Variants in ADCY7 observed in about 807,000 individuals in gnomAD.
ADCY7 encodes adenylate cyclase type 7.
In ADCY7, 72 loss-of-function variants were observed where a neutral mutation model predicts 120.6. The ratio of observed to expected loss-of-function variants is 0.60; its 90% CI spans 0.49 to 0.73. ADCY7 has a LOEUF of 0.73. ADCY7 is among the 30% of genes least tolerant of loss of function. The probability of loss-of-function intolerance (pLI) is 0.00; values close to 1 mark genes in which losing one functional copy is unlikely to be tolerated. For missense variants in ADCY7, 1,227 were observed against 1,486.0 expected (o/e 0.83, Z 2.87); for synonymous variants, 661 against 628.0 (o/e 1.05, Z -0.78).
intron 1 of ADCY7, among the ~76,000 whole-genome samples, chr16:50,254,005 G>C (rs1165447338): frequency 6.6e-6 from 1 of 152,112 alleles, no homozygotes; most frequent in East Asian, 1.9e-4. Flanking sequence ...CTCCAGTCAG[G>C]AGCAGGGTTG....
chr16:50,280,996 G>A (rs552669277), intron 1 of ADCY7, among the ~76,000 whole-genome samples: 125 of 152,254 alleles, frequency 8.2e-4, no homozygotes, highest in South Asian at 2.9e-3. Flanking sequence ...GAGCAGGGTT[G>A]GCTGGGGGCT....
At chr16:50,288,670 C>T (rs1843780207) in intron 2 of ADCY7, among the ~76,000 whole-genome samples, 2 of 151,942 alleles carry the variant, frequency 1.3e-5, no homozygotes, top group East Asian at 3.9e-4. Context: ...TAGAGATGGG[C>T]TTTCACCATG....
chr16:50,250,459 A>G (rs1341155728), intron 1 of ADCY7, among the ~76,000 whole-genome samples: 2 of 149,676 alleles, frequency 1.3e-5, no homozygotes, highest in Admixed American at 1.3e-4. Flanking sequence ...TCTATCTCAA[A>G]AAAAAAAAAA....
In ADCY7 at chr16:50,315,353, T is replaced by C. The variant is rs1339561210; in HGVS notation, c.3097-6T>C. ...CTGAAGACAACAGGTCTCTCTTCCT[T>C]TTCAGGTTACCGAGGAGACCTGCAC... On this transcript the variant is annotated splice_region_variant and splice_polypyrimidine_tract_variant and intron_variant, in intron 25 of 25. Transcript: ENST00000673801. The C allele has an allele frequency of 5.0e-6, 8 of 1,603,052 alleles. No homozygotes were observed. The highest frequency in any genetic ancestry group is 5.1e-6 in the Non-Finnish European group (6 of 1,170,834).
upstream of ADCY7, among the ~76,000 whole-genome samples, chr16:50,263,793 T>C (rs183871939): frequency 2.4e-3 from 364 of 151,964 alleles, 1 homozygote; most frequent in African/African-American, 8.4e-3. Context: ...CCCTTCCCCT[T>C]GGCCCCCGAT....
At chr16:50,288,760 G>C (rs978652100) in intron 2 of ADCY7, among the ~76,000 whole-genome samples, 1 of 152,096 alleles carries the variant, frequency 6.6e-6, no homozygotes, top group Non-Finnish European at 1.5e-5. Flanking sequence ...TTATAGACGT[G>C]AGCCACCATG....
At chr16:50,264,069 C>T (rs537697935), upstream of ADCY7, among the ~76,000 whole-genome samples, 1 of 152,326 alleles carries the variant, frequency 6.6e-6, no homozygotes, top group Non-Finnish European at 1.5e-5. Flanking sequence ...GTATAACCAG[C>T]ACCCACAGGG....
chr16:50,295,717 C>T (rs1023819359), intron 7 of ADCY7, among the ~76,000 whole-genome samples: 2 of 151,940 alleles, frequency 1.3e-5, no homozygotes, highest in African/African-American at 2.4e-5. Flanking sequence ...CTGAGGAGCT[C>T]GACACGTGCC....
At chr16:50,282,212 A>T (rs982614549) in intron 1 of ADCY7, among the ~76,000 whole-genome samples, 1 of 152,302 alleles carries the variant, frequency 6.6e-6, no homozygotes, top group South Asian at 2.1e-4. Flanking sequence ...TCCTGTCTGC[A>T]TCTGTGAAAG....
At chr16:50,248,090 G>A (rs540276293) in intron 1 of ADCY7, among the ~76,000 whole-genome samples, 1 of 152,304 alleles carries the variant, frequency 6.6e-6, no homozygotes, top group South Asian at 2.1e-4. Flanking sequence ...CAAGGAGCCG[G>A]GCTGTTCTCA....
chr16:50,289,729 G>A (rs2034819968), intron 2 of ADCY7, among the ~76,000 whole-genome samples: 1 of 152,238 alleles, frequency 6.6e-6, no homozygotes, highest in Non-Finnish European at 1.5e-5. Context: ...GCCTCCCAAA[G>A]TGCTGGGATT....
At chr16:50,291,015 C>T (rs369683941) in intron 3 of ADCY7, among the ~76,000 whole-genome samples, 33 of 152,124 alleles carry the variant, frequency 2.2e-4, no homozygotes, top group African/African-American at 6.8e-4. Context: ...GCTTCGGCCC[C>T]GGGCACGCTG....
At chr16:50,259,674 C>G (rs923028674) in intron 1 of ADCY7, among the ~76,000 whole-genome samples, 9 of 152,142 alleles carry the variant, frequency 5.9e-5, no homozygotes, top group African/African-American at 2.2e-4. Context: ...GGAACTCAGC[C>G]AAGCAGCAGC....
intron 2 of ADCY7, 72 bp from the exon 3 acceptor site, chr16:50,290,385 G>A (rs889821846): frequency 1.3e-5 from 20 of 1,561,814 alleles, no homozygotes; most frequent in African/African-American, 6.8e-5. Context: ...CAGCCGGCCC[G>A]GCAGGCTTTC....
At position 50,292,422 on chromosome 16, in the gene ADCY7, C is replaced by G. The variant is rs181981657; in HGVS notation, c.538-254C>G. 7.4e-4 allele frequency among the ~76,000 whole-genome samples: 112 copies of G among 152,344 alleles called. 1 individual carries two copies. The highest frequency in any genetic ancestry group is 2.6e-3 in the African/African-American group (110 of 41,578). ...GACTGCCCTTAGCACGCATGCCCCT[C>G]GGGCCCTGGGCTCTGTGAGGTGGTC... is the stretch of plus-strand genomic sequence containing the variant. On this transcript the variant is annotated intron_variant, in intron 4 of 25. Transcript: ENST00000673801.
rs2035402192 is a variant in ADCY7 at position 50,297,093 on chromosome 16, G to A, written c.949-1811G>A. Reference sequence around the variant, plus strand: ...AGTCTTCCCTCTCCAGCAGGCCCAGGAGGCGTGGCCCTATTGCACAGATGG... The same window carrying A: ...AGTCTTCCCTCTCCAGCAGGCCCAGAAGGCGTGGCCCTATTGCACAGATGG... On this transcript the variant is annotated intron_variant, in intron 7 of 25. Transcript: ENST00000673801. This position sits in a 1 kb window ranked among gnomAD's most constrained non-coding sequence, Gnocchi z 4.4. Among the ~76,000 whole-genome samples, 1 of 152,252 alleles carries A rather than the reference G, an allele frequency of 6.6e-6. No individual in the cohort carries two copies. Among genetic ancestry groups the A allele is most frequent in the Non-Finnish European group, 1.5e-5 (1 of 68,040 alleles).
At chr16:50,247,539 A>ATTTTTTTTT (rs5816683) in intron 1 of ADCY7, among the ~76,000 whole-genome samples, 1 of 111,374 alleles carries the variant, frequency 9.0e-6, no homozygotes, top group Non-Finnish European at 1.7e-5. Context: ...TAATTTAGTA[A>ATTTTTTTTT]TTTTTTTTTT....
chr16:50,296,294 C>T (rs2035345057), intron 7 of ADCY7, among the ~76,000 whole-genome samples: 1 of 152,012 alleles, frequency 6.6e-6, no homozygotes, highest in African/African-American at 2.4e-5. Context: ...CTCAAGTGAT[C>T]CACCCACCTC....
At chr16:50,311,811 C>CCA (rs1555525928) in intron 20 of ADCY7, 25 bp downstream of exon 20, 1 of 1,343,526 alleles carries the variant, frequency 7.4e-7, no homozygotes, top group Non-Finnish European at 1.0e-6. Flanking sequence ...CCCCCCCCCC[C>CCA]CCCCAAGCTC....
Sources: gnomAD v4.1 joint callset for allele counts (sites outside exome capture counted in the v4.1 genomes callset) on GRCh38, gnomAD v4.1.1 for gene constraint, Gnocchi (gnomAD v3.1) non-coding constraint, MANE v1.5 for transcripts, NCBI Gene and HGNC (gene_info 2026-07-23, HGNC 2026-07-21) for gene names.